CABLES1: variants seen among roughly 807,000 people sequenced by gnomAD.
CABLES1 encodes CDK5 and ABL1 enzyme substrate 1.
Under a neutral mutation model 57.8 loss-of-function variants are expected in CABLES1, and 36 were observed. That is an observed-to-expected ratio of 0.62 (90% CI 0.48 to 0.82). The LOEUF is 0.82. Among genes scored for constraint, CABLES1 ranks in the 40% least tolerant of loss-of-function variants. CABLES1 has a pLI of 0.00. For synonymous variants in CABLES1, 374 were observed against 363.0 expected, an observed-to-expected ratio of 1.03 and a Z score of -0.35; for missense variants, 767 against 836.6, an observed-to-expected ratio of 0.92 and a Z score of 1.03.
At chr18:23,239,601 G>A (rs1030818962) in intron 7 of CABLES1, among the ~76,000 whole-genome samples, 1 of 152,168 alleles carries the variant, frequency 6.6e-6, no homozygotes, top group Non-Finnish European at 1.5e-5. Flanking sequence ...GGGGCGCTGG[G>A]GTGTTTGCTT....
intron 2 of CABLES1, among the ~76,000 whole-genome samples, chr18:23,193,082 G>T (rs2047256470): frequency 1.3e-5 from 2 of 152,110 alleles, no homozygotes; most frequent in South Asian, 4.1e-4. Flanking sequence ...GAGGCCTAGA[G>T]TTGGGTGGGG....
chr18:23,184,837 C>A (rs1452488824), intron 1 of CABLES1, among the ~76,000 whole-genome samples: 1 of 152,166 alleles, frequency 6.6e-6, no homozygotes, highest in African/African-American at 2.4e-5. Flanking sequence ...CTTGTAGTGT[C>A]CTCACATGGC....
At position 23,237,193 on chromosome 18, in the gene CABLES1, C is replaced by T; in HGVS notation, c.1394C>T (p.Pro465Leu). The change falls in exon 7 of 10, where the codon CCC (proline) becomes CTC (leucine). Residue 465 changes from proline (P) to leucine (L), a missense_variant. Around this residue, in one of 4 missense-constraint regions of CABLES1, gnomAD observed 529 missense variants for 622.8 expected, o/e 0.85. Coordinates refer to ENST00000256925, the MANE Select transcript of CABLES1 (RefSeq NM_001100619.3). ...MDYDPNLLDD[P>L]QWPCGKHKRV... ...TATGACCCAAATCTCTTGGATGACCCCCAGTGGCCTTGTGGCAAACACAAA... is the reference window on the plus strand; with the variant it reads ...TATGACCCAAATCTCTTGGATGACCTCCAGTGGCCTTGTGGCAAACACAAA... The T allele has an allele frequency of 6.2e-7, 1 of 1,613,978 alleles. No individual in the cohort carries two copies. The highest frequency in any genetic ancestry group is 8.5e-7 in the Non-Finnish European group (1 of 1,179,814).
intron 1 of CABLES1, among the ~76,000 whole-genome samples, chr18:23,155,565 G>C (rs1261755772): frequency 6.6e-6 from 1 of 152,142 alleles, no homozygotes; most frequent in Non-Finnish European, 1.5e-5. Flanking sequence ...ATTAGCATTG[G>C]CATCTCCCGC....
At chr18:23,148,335 C>T (rs2046906673) in intron 1 of CABLES1, among the ~76,000 whole-genome samples, 1 of 152,120 alleles carries the variant, frequency 6.6e-6, no homozygotes, top group Admixed American at 6.5e-5. Context: ...CGTGTGAGGG[C>T]TCCTCAGGGT....
chr18:23,235,127 C>T (rs1192870954), intron 5 of CABLES1, among the ~76,000 whole-genome samples: 2 of 152,158 alleles, frequency 1.3e-5, no homozygotes, highest in South Asian at 2.1e-4. Flanking sequence ...AGCCCCAGGG[C>T]GGTCACATTC....
intron 4 of CABLES1, among the ~76,000 whole-genome samples, chr18:23,224,829 A>G (rs1187382084): frequency 6.6e-6 from 1 of 151,794 alleles, no homozygotes; most frequent in Non-Finnish European, 1.5e-5. Context: ...TCAGCCTCCC[A>G]AAGTACTGGG....
rs763239686 is a variant in CABLES1, at chr18:23,193,194, C to CTTTT, written c.918-1243_918-1240dup. Among the ~76,000 whole-genome samples, 1,200 of 142,270 alleles carry CTTTT rather than the reference C, an allele frequency of 8.4e-3. 11 individuals carry two copies. The highest frequency in any genetic ancestry group is 0.023 in the African/African-American group (897 of 38,240). 93.3% of individuals were successfully genotyped at this position (142,270 alleles called of 152,430 possible). On this transcript the variant is annotated intron_variant, in intron 2 of 9. Coordinates refer to ENST00000256925, the MANE Select transcript of CABLES1 (RefSeq NM_001100619.3). Reference sequence around the variant, plus strand: ...TCTGCAAGCCTTTAAAAGAATCTTTCTTTTTTTTTTTTTTCCAGACTGTGT... The same window carrying CTTTT: ...TCTGCAAGCCTTTAAAAGAATCTTTCTTTTTTTTTTTTTTTTTTCCAGACTGTGT...
intron 1 of CABLES1, among the ~76,000 whole-genome samples, chr18:23,159,554 T>C (rs1166673165): frequency 6.6e-6 from 1 of 152,232 alleles, no homozygotes; most frequent in African/African-American, 2.4e-5. Flanking sequence ...TTCTACCATA[T>C]AAACTTTTTG....
At chr18:23,205,376 T>G (rs1295536709) in intron 3 of CABLES1, among the ~76,000 whole-genome samples, 1 of 151,988 alleles carries the variant, frequency 6.6e-6, no homozygotes, top group Non-Finnish European at 1.5e-5. Flanking sequence ...GTATTTTTAG[T>G]AGAGACAGAG....
intron 1 of CABLES1, among the ~76,000 whole-genome samples, chr18:23,177,270 C>A (rs988854022): frequency 6.6e-6 from 1 of 152,114 alleles, no homozygotes; most frequent in Non-Finnish European, 1.5e-5. Flanking sequence ...GTCTCAGGAA[C>A]GAGTTCTGCT....
chr18:23,234,611 CTTGAAG>C lies in CABLES1; in HGVS notation c.1096_1101del (p.Lys366_Leu367del). ...TTCCTCTGACTTGTCCTCCCAGGGA[CTTGAAG>C]TTGGACGGAGGAAGACAATCAACTG... On this transcript the variant is annotated inframe_deletion, in exon 5 of 10. Transcript: ENST00000256925. 6.2e-7 allele frequency: 1 copy of C among 1,613,338 alleles called. No homozygotes were observed. The highest frequency in any genetic ancestry group is 8.5e-7 in the Non-Finnish European group (1 of 1,179,348).
chr18:23,226,083 A>G (rs2047525209), intron 4 of CABLES1, among the ~76,000 whole-genome samples: 1 of 152,222 alleles, frequency 6.6e-6, no homozygotes, highest in Non-Finnish European at 1.5e-5. Context: ...TCAGAGAAGA[A>G]GGTGAAATAA....
chr18:23,198,518 A>T (rs1568064223), intron 3 of CABLES1, among the ~76,000 whole-genome samples: 1 of 152,164 alleles, frequency 6.6e-6, no homozygotes, highest in Non-Finnish European at 1.5e-5. Context: ...GTTAGGTTAC[A>T]TGGCAAAGGG....
At position 23,136,065 on chromosome 18, in the gene CABLES1, C is replaced by T; in HGVS notation, c.303C>T (p.Ala101=). 9.0e-7 allele frequency: 1 copy of T among 1,112,032 alleles called. No individual in the cohort carries two copies. The highest frequency in any genetic ancestry group is 1.1e-6 in the Non-Finnish European group (1 of 903,272). The allele number at this position is 1,112,032 out of a possible 1,614,324, so 68.9% of individuals were successfully genotyped here. ...CGGCCAAGCCGGGCGCCGGCGGCGC[C>T]TGCGGCGCGAGGACTCGGTTCAGCT... ...GGAAKPGAGG[A]CGARTRFSLL... is the part of the protein sequence containing the mutation. The change falls in exon 1 of 10, where the codon GCC becomes GCT. Residue 101 remains alanine (A), a synonymous_variant. Coordinates refer to ENST00000256925, the MANE Select transcript of CABLES1 (RefSeq NM_001100619.3).
chr18:23,180,565 A>G (rs1210312130), intron 1 of CABLES1, among the ~76,000 whole-genome samples: 2 of 152,156 alleles, frequency 1.3e-5, no homozygotes, highest in Admixed American at 1.3e-4. Context: ...CACCCAGGCT[A>G]GAGTGCAGTA....
chr18:23,143,499 A>T (rs2046870685), intron 1 of CABLES1, among the ~76,000 whole-genome samples: 1 of 152,216 alleles, frequency 6.6e-6, no homozygotes, highest in Non-Finnish European at 1.5e-5. Context: ...TCTTCTCAGC[A>T]TCACCCTTTC....
chr18:23,224,849 G>A (rs944527286), intron 4 of CABLES1, among the ~76,000 whole-genome samples: 4 of 152,112 alleles, frequency 2.6e-5, no homozygotes, highest in East Asian at 1.9e-4. Context: ...GATTACAGGC[G>A]TGAGCCACCG....
intron 4 of CABLES1, among the ~76,000 whole-genome samples, chr18:23,215,687 C>T (rs1028259217): frequency 6.6e-6 from 1 of 152,136 alleles, no homozygotes; most frequent in Non-Finnish European, 1.5e-5. Flanking sequence ...TTCGTGTGCC[C>T]CTGAACAGCT....
Sources: allele counts gnomAD v4.1 joint callset (sites outside exome capture counted in the v4.1 genomes callset), GRCh38; gene constraint gnomAD v4.1.1; regional missense constraint gnomAD v4.1.1; transcripts MANE v1.5; gene names NCBI Gene and HGNC (gene_info 2026-07-23, HGNC 2026-07-21).